Variants in PEX11G observed in about 807,000 individuals in gnomAD.
PEX11G encodes the protein peroxisomal biogenesis factor 11 gamma, also known as peroxisomal membrane protein 11C.
A neutral mutation model predicts 22.5 loss-of-function variants in PEX11G; 20 were observed. That is an observed-to-expected ratio of 0.89 (90% confidence interval 0.62 to 1.29). The LOEUF is 1.29. Ranked by LOEUF, PEX11G falls within the 50% of genes most tolerant of loss-of-function variation. The pLI is 0.00. For synonymous variants in PEX11G, 141 were observed against 154.5 expected (o/e 0.91, Z 0.65); for missense variants, 347 against 331.3 (o/e 1.05, Z -0.37).
intron 1 of PEX11G, among the ~76,000 whole-genome samples, chr19:7,494,444 G>A (rs991804192): frequency 3.9e-5 from 6 of 152,194 alleles, no homozygotes; most frequent in Non-Finnish European, 5.9e-5. Context: ...GCAGAGGAAA[G>A]AGGTCACTGG....
intron 3 of PEX11G, among the ~76,000 whole-genome samples, chr19:7,480,810 A>G (rs893442300): frequency 5.3e-5 from 8 of 152,134 alleles, no homozygotes; most frequent in Non-Finnish European, 4.4e-5. Context: ...AGCCCTTCAC[A>G]GCCACTGAAA....
chr19:7,477,581 C>T (rs1977281729), intron 4 of PEX11G, 145 bp from the exon 5 acceptor site: 2 of 632,148 alleles, frequency 3.2e-6, no homozygotes, highest in Non-Finnish European at 2.5e-6. Flanking sequence ...CCTCCCTGAC[C>T]ATCCACAGAG....
chr19:7,485,136 G>A (rs2021578208), intron 2 of PEX11G, among the ~76,000 whole-genome samples: 1 of 151,938 alleles, frequency 6.6e-6, no homozygotes, highest in Middle Eastern at 3.4e-3. Context: ...CAGCCTGTAT[G>A]ACAAAGCAAG....
Position 7,477,209 on chromosome 19 carries a change from G to T in PEX11G, c.719C>A (p.Thr240Asn). ...ARAGGQAEAT[T>N]P ...TGTGCTCTTCCGGCAGTGTCAGGGGGTAGTGGCCTCGGCCTGGCCGCCGGC... is the reference window on the plus strand; with the variant it reads ...TGTGCTCTTCCGGCAGTGTCAGGGGTTAGTGGCCTCGGCCTGGCCGCCGGC... The change falls in exon 5 of 5, where the codon ACC (threonine) becomes AAC (asparagine). Residue 240 changes from threonine to asparagine, a missense_variant. Transcript: ENST00000221480. 2.7e-6 allele frequency: 4 copies of T among 1,501,400 alleles called. No homozygotes were observed. The highest frequency in any genetic ancestry group is 3.5e-6 in the Non-Finnish European group (4 of 1,128,492). 93.0% of individuals were successfully genotyped at this position (1,501,400 alleles called of 1,614,324 possible).
At chr19:7,481,803 TAAG>T (rs1977499728) in intron 3 of PEX11G, among the ~76,000 whole-genome samples, 2 of 152,172 alleles carry the variant, frequency 1.3e-5, no homozygotes, top group African/African-American at 4.8e-5. Flanking sequence ...AATCCTAAGA[TAAG>T]AAGTTTCTGT....
At chr19:7,486,648 G>A (rs1248327157) in intron 1 of PEX11G, among the ~76,000 whole-genome samples, 1 of 151,856 alleles carries the variant, frequency 6.6e-6, no homozygotes, top group South Asian at 2.1e-4. Context: ...CACCTAGGCT[G>A]GAGTGCGGTG....
intron 2 of PEX11G, among the ~76,000 whole-genome samples, chr19:7,483,681 T>A (rs1977611668): frequency 6.6e-6 from 1 of 152,050 alleles, no homozygotes; most frequent in African/African-American, 2.4e-5. Context: ...TATAGGATGA[T>A]CAGGCCAAGG....
Position 7,477,386 on chromosome 19 carries a change from T to A in PEX11G, c.542A>T (p.Glu181Val). The A allele has an allele frequency of 2.6e-6, 4 of 1,544,212 alleles. No homozygotes were observed. Among genetic ancestry groups the A allele is most frequent in the Non-Finnish European group, 3.5e-6 (4 of 1,147,804 alleles). ...RRAMEAQMQS[E>V]ALSLLSNLAD... Reference sequence around the variant, plus strand: ...CAGGTTGCTGAGAAGTGACAGCGCCTCCGACTGCATCTGCGCCTCCATGGC... The same window carrying A: ...CAGGTTGCTGAGAAGTGACAGCGCCACCGACTGCATCTGCGCCTCCATGGC... Residue 181 changes from glutamate (E) to valine (V), a missense_variant, in exon 5 of 5, where the codon GAG becomes GTG. Transcript: ENST00000221480.
chr19:7,493,100 A>G (rs183635967), upstream of PEX11G: 55 of 152,216 alleles, frequency 3.6e-4, no homozygotes, highest in African/African-American at 1.3e-3. Context: ...CTGTCCAAAG[A>G]TCTCTTCTTG....
chr19:7,489,695 T>C (rs957681728), upstream of PEX11G, among the ~76,000 whole-genome samples: 5 of 152,088 alleles, frequency 3.3e-5, no homozygotes, highest in African/African-American at 1.2e-4. Flanking sequence ...TATTTTGAGC[T>C]GAGATCAATG....
intron 1 of PEX11G, 58 bp downstream of exon 1, chr19:7,488,893 A>C: frequency 6.6e-7 from 1 of 1,524,596 alleles, no homozygotes; most frequent in Non-Finnish European, 8.9e-7. Flanking sequence ...CCCGTTTCCC[A>C]GTCTCTGAGC....
At position 7,476,943 on chromosome 19, in the gene PEX11G, C is replaced by T; in HGVS notation, c.*259G>A. ...AAGGCACGACAGGCCCCCTCTTCCT[C>T]ATCTTGATTTGGATACAAGACGCCA... is the stretch of plus-strand genomic sequence containing the variant. On this transcript the variant is annotated 3_prime_UTR_variant, in exon 5 of 5. Coordinates refer to ENST00000221480, the MANE Select transcript of PEX11G (RefSeq NM_080662.4). 1 of 407,556 alleles carries T rather than the reference C, an allele frequency of 2.5e-6. No homozygotes were observed. The highest frequency in any genetic ancestry group is 3.6e-5 in the East Asian group (1 of 27,690). The allele number at this position is 407,556 out of a possible 1,614,324, so 25.2% of individuals were successfully genotyped here. A position where few individuals can be genotyped will look rare whatever the true frequency, so the allele number is the denominator to read the frequency against.
upstream of PEX11G, among the ~76,000 whole-genome samples, chr19:7,492,152 T>C (rs1215956334): frequency 6.6e-6 from 1 of 152,226 alleles, no homozygotes; most frequent in African/African-American, 2.4e-5. Flanking sequence ...GAATATGTAG[T>C]TGGAGTCCCT....
chr19:7,487,204 A>G (rs1367534263), intron 1 of PEX11G, among the ~76,000 whole-genome samples: 1 of 152,036 alleles, frequency 6.6e-6, no homozygotes, highest in Non-Finnish European at 1.5e-5. Flanking sequence ...CTTACTTCCC[A>G]CCTCCTAGGT....
chr19:7,489,592 T>G, upstream of PEX11G: 1 of 804,838 alleles, frequency 1.2e-6, no homozygotes, highest in Non-Finnish European at 1.5e-6. Flanking sequence ...CATCACCCCT[T>G]GCTAGTTTCG....
chr19:7,483,059 ACCCG>A (rs1977574342), intron 2 of PEX11G, among the ~76,000 whole-genome samples: 1 of 150,124 alleles, frequency 6.7e-6, no homozygotes, highest in African/African-American at 2.5e-5. Flanking sequence ...CAACCGGGGG[ACCCG>A]CCCCCTTGGG....
In PEX11G at chr19:7,477,082, G is replaced by T. The variant is rs922817032; in HGVS notation, c.*120C>A. ...TCGCATCAGTCCCTCCACCCACCCT[G>T]CCCATGGGTTTCACCACAGGCAGCT... On this transcript the variant is annotated 3_prime_UTR_variant, in exon 5 of 5. Coordinates refer to ENST00000221480, the MANE Select transcript of PEX11G (RefSeq NM_080662.4). The T allele has an allele frequency of 4.2e-6, 4 of 957,326 alleles. No homozygotes were observed. Among genetic ancestry groups the T allele is most frequent in the Middle Eastern group, 3.5e-4 (1 of 2,890 alleles). The allele number at this position is 957,326 out of a possible 1,614,324, so 59.3% of individuals were successfully genotyped here. A position where few individuals can be genotyped will look rare whatever the true frequency, so the allele number is the denominator to read the frequency against.
chr19:7,479,903 T>G (rs1468232749), intron 3 of PEX11G, among the ~76,000 whole-genome samples: 1 of 151,980 alleles, frequency 6.6e-6, no homozygotes, highest in African/African-American at 2.4e-5. Flanking sequence ...AGGCTGTGTG[T>G]GGGGGTATAT....
chr19:7,477,499 T>C, intron 4 of PEX11G, 63 bp from the exon 5 acceptor site: 1 of 1,298,436 alleles, frequency 7.7e-7, no homozygotes, highest in African/African-American at 1.6e-5. Flanking sequence ...CCCAAGCCCC[T>C]GAATGCCCTG....
Sources: allele counts gnomAD v4.1 joint callset (sites outside exome capture counted in the v4.1 genomes callset), GRCh38; gene constraint gnomAD v4.1.1; transcripts MANE v1.5; gene names NCBI Gene and HGNC (gene_info 2026-07-23, HGNC 2026-07-21).